The following MPZL2 variants were observed in gnomAD, a reference collection of about 807,000 sequenced individuals.
MPZL2 encodes the protein myelin protein zero like 2, also known as myelin protein zero-like protein 2.
In MPZL2, 32 loss-of-function variants were observed where a neutral mutation model predicts 24.5. The observed-to-expected ratio is 1.31, with a 90% confidence interval of 0.99 to 1.76. The LOEUF (loss-of-function observed/expected upper bound fraction) is 1.76, where lower values mean the gene tolerates loss of function less well. Among genes scored for constraint, MPZL2 ranks in the 40% most tolerant of loss-of-function variants. MPZL2 has a pLI of 0.00. For synonymous variants in MPZL2, 92 were observed against 97.9 expected, an observed-to-expected ratio of 0.94 and a Z score of 0.36; for missense variants, 304 against 274.9, an observed-to-expected ratio of 1.11 and a Z score of -0.75.
At chr11:118,260,800 A>T (rs1283243579) in intron 3 of MPZL2, among the ~76,000 whole-genome samples, 1 of 152,200 alleles carries the variant, frequency 6.6e-6, no homozygotes, top group Non-Finnish European at 1.5e-5. Context: ...TGGATAAATG[A>T]TGGAAAAGGG....
intron 4 of MPZL2, 78 bp from the exon 5 acceptor site, chr11:118,257,391 G>A: frequency 1.7e-6 from 2 of 1,204,104 alleles, no homozygotes; most frequent in Non-Finnish European, 2.4e-6. Flanking sequence ...CTTCAGGTAA[G>A]GTATTTTTCC....
chr11:118,262,424 C>T lies in MPZL2; in HGVS notation c.436+14G>A. ...CTCATCCTTTCCAAAACCACTGTTC[C>T]CTGCATAACCTACCAGTGTGCACGA... On this transcript the variant is annotated intron_variant, in intron 3 of 5. Transcript: ENST00000278937. 1.2e-6 allele frequency: 2 copies of T among 1,612,752 alleles called. No homozygotes were observed. The highest frequency in any genetic ancestry group is 1.7e-6 in the Non-Finnish European group (2 of 1,179,536).
At position 118,262,552 on chromosome 11, in the gene MPZL2, T is replaced by G. The variant is rs1949707488; in HGVS notation, c.322A>C (p.Ile108Leu). 1.9e-6 allele frequency: 3 copies of G among 1,614,054 alleles called. No homozygotes were observed. The highest frequency in any genetic ancestry group is 2.5e-6 in the Non-Finnish European group (3 of 1,180,030). ...DGNPERYDAS[I>L]LLWKLQFDDN... The stretch of plus-strand genomic sequence containing the variant: ...TCGAACTGCAGTTTCCAGAGAAGGA[T>G]GGAGGCATCGTACCGCTCAGGATTC... Residue 108 changes from isoleucine to leucine, a missense_variant, in exon 3 of 6, where the codon ATC (isoleucine) becomes CTC (leucine). Transcript: ENST00000278937.
chr11:118,254,104 T>G lies in MPZL2; in HGVS notation c.*1142A>C, dbSNP rs1159834872. 6.6e-6 allele frequency: 1 copy of G among 152,378 alleles called. No homozygotes were observed. The highest frequency in any genetic ancestry group is 1.5e-5 in the Non-Finnish European group (1 of 68,012). 9.4% of individuals were successfully genotyped at this position (152,378 alleles called of 1,614,324 possible). A position where few individuals can be genotyped will look rare whatever the true frequency, so the allele number is the denominator to read the frequency against. On this transcript the variant is annotated 3_prime_UTR_variant, in exon 6 of 6. Coordinates refer to ENST00000278937, the MANE Select transcript of MPZL2 (RefSeq NM_005797.4). ...TCAATAGCCCACTTATAAAGTTTGCTTTATCTACCAGTATGGGGGAAAAAA... is the reference window on the plus strand; with the variant it reads ...TCAATAGCCCACTTATAAAGTTTGCGTTATCTACCAGTATGGGGGAAAAAA...
At chr11:118,263,955 T>G (rs886764312) in intron 1 of MPZL2, 141 bp downstream of exon 1, 2 of 859,520 alleles carry the variant, frequency 2.3e-6, no homozygotes, top group Non-Finnish European at 3.7e-6. Flanking sequence ...AACTTTGGTT[T>G]CAGTAAAACC....
chr11:118,259,499 G>A (rs1949684570), intron 4 of MPZL2: 1 of 152,274 alleles, frequency 6.6e-6, no homozygotes, highest in Non-Finnish European at 1.5e-5. Context: ...AGTTGTCGGG[G>A]GCTGGTAGGA....
intron 1 of MPZL2, 153 bp from the exon 2 acceptor site, chr11:118,263,250 C>A (rs1949716249): frequency 1.3e-6 from 1 of 741,744 alleles, no homozygotes; most frequent in African/African-American, 1.8e-5. Context: ...CCAGAATCTA[C>A]ATACTCCTAC....
intron 1 of MPZL2, 100 bp downstream of exon 1, chr11:118,263,995 AG>A: frequency 8.1e-7 from 1 of 1,234,338 alleles, no homozygotes; most frequent in Non-Finnish European, 1.2e-6. Context: ...TCTGTGGCTC[AG>A]GCTCCCAAAC....
chr11:118,261,280 A>G (rs2134732827), intron 3 of MPZL2, among the ~76,000 whole-genome samples: 2 of 152,306 alleles, frequency 1.3e-5, no homozygotes, highest in Middle Eastern at 3.4e-3. Flanking sequence ...ATGAAAGGAA[A>G]TCGTACCACT....
In MPZL2 at chr11:118,253,433, C is replaced by T. The variant is rs953797125; in HGVS notation, c.*1813G>A. ...TACACAAATTATATAACTGATAATT[C>T]TTTATTACTAAAGGTTTATTTACAT... On this transcript the variant is annotated 3_prime_UTR_variant, in exon 6 of 6. Transcript: ENST00000278937. 6 of 152,078 alleles carry T rather than the reference C, an allele frequency of 3.9e-5. No individual in the cohort carries two copies. Among genetic ancestry groups the T allele is most frequent in the Admixed American group, 2.6e-4 (4 of 15,276 alleles). The allele number at this position is 152,078 out of a possible 1,614,324, so 9.4% of individuals were successfully genotyped here.
At chr11:118,258,850 A>G (rs570745012) in intron 4 of MPZL2, among the ~76,000 whole-genome samples, 1 of 152,110 alleles carries the variant, frequency 6.6e-6, no homozygotes, top group Admixed American at 6.6e-5. Flanking sequence ...GCCTTCTGCC[A>G]TCGGTAAAAG....
Position 118,262,580 on chromosome 11 carries a change from A to G in MPZL2, c.294T>C (p.Asp98=). The part of the protein sequence containing the change: ...SGRFKDRVSW[D]GNPERYDASI... ...AGGCATCGTACCGCTCAGGATTCCC[A>G]TCCCAAGACACCCGGTCCTTAAACC... Residue 98 remains aspartate (D), a synonymous_variant, in exon 3 of 6, where the codon GAT becomes GAC. Coordinates refer to ENST00000278937, the MANE Select transcript of MPZL2 (RefSeq NM_005797.4). The G allele has an allele frequency of 6.2e-7, 1 of 1,614,186 alleles. No individual in the cohort carries two copies. Among genetic ancestry groups the G allele is most frequent in the South Asian group, 1.1e-5 (1 of 91,084 alleles).
intron 4 of MPZL2, chr11:118,259,341 A>C (rs562206932): frequency 1.3e-5 from 2 of 152,370 alleles, no homozygotes; most frequent in South Asian, 2.1e-4. Flanking sequence ...ATAAAAAGGA[A>C]AGAAATACTA....
At position 118,257,315 on chromosome 11, in the gene MPZL2, T is replaced by G. The variant is rs1368613696; in HGVS notation, c.585-2A>C. The G allele has an allele frequency of 6.2e-7, 1 of 1,611,392 alleles. No individual in the cohort carries two copies. Among genetic ancestry groups the G allele is most frequent in the Non-Finnish European group, 8.5e-7 (1 of 1,178,656 alleles). ...TGGTTGAGCCTTTCCTCTTCTTTTC[T>G]GTAACAAGCAGAAACCAAATGTCAG... On this transcript the variant is annotated splice_acceptor_variant, in intron 4 of 5. Coordinates refer to ENST00000278937, the MANE Select transcript of MPZL2 (RefSeq NM_005797.4). LOFTEE classifies it high-confidence loss of function.
At position 118,262,622 on chromosome 11, in the gene MPZL2, G is replaced by C. The variant is rs1319700945; in HGVS notation, c.252C>G (p.Phe84Leu). Residue 84 changes from phenylalanine (F) to leucine (L), a missense_variant, in exon 3 of 6, where the codon TTC becomes TTG. Physicochemically the swap from Phe to Leu is conservative, Grantham distance 22 (BLOSUM62 0). Coordinates refer to ENST00000278937, the MANE Select transcript of MPZL2 (RefSeq NM_005797.4). ...CCTTAAACCGCCCACTCATGGGTTG[G>C]AAGGGATCTATGTGGTAGTAGAATA... ...QFVFYYHIDP[F>L]QPMSGRFKDR... 1.9e-6 allele frequency: 3 copies of C among 1,614,006 alleles called. No individual in the cohort carries two copies. The East Asian group carries it at 6.7e-5, about 36-fold the overall frequency.
At chr11:118,259,994 G>A in intron 4 of MPZL2, 60 bp downstream of exon 4, 1 of 1,593,238 alleles carries the variant, frequency 6.3e-7, no homozygotes, top group Non-Finnish European at 8.6e-7. Flanking sequence ...TTAGCCCACT[G>A]CAAAATACCA....
At chr11:118,256,037 C>T (rs1421724084) in intron 5 of MPZL2, among the ~76,000 whole-genome samples, 1 of 152,092 alleles carries the variant, frequency 6.6e-6, no homozygotes, top group Admixed American at 6.5e-5. Flanking sequence ...AGACAATAGC[C>T]GTTGGTTGGT....
At chr11:118,263,266 T>C (rs1949716395) in intron 1 of MPZL2, 169 bp from the exon 2 acceptor site, 1 of 662,720 alleles carries the variant, frequency 1.5e-6, no homozygotes. Flanking sequence ...CCTACCTGTA[T>C]GCAGCCTGGA....
chr11:118,257,399 T>C (rs1949668563), intron 4 of MPZL2, 86 bp from the exon 5 acceptor site: 2 of 1,132,280 alleles, frequency 1.8e-6, no homozygotes, highest in Admixed American at 2.0e-5. Context: ...AAGGTATTTT[T>C]CCCCCATATT....
Sources: allele counts gnomAD v4.1 joint callset (sites outside exome capture counted in the v4.1 genomes callset), GRCh38; gene constraint gnomAD v4.1.1; transcripts MANE v1.5; gene names NCBI Gene and HGNC (gene_info 2026-07-23, HGNC 2026-07-21).